The following PARD3B variants were observed in gnomAD, a reference collection of about 807,000 sequenced individuals.
PARD3B encodes the protein partitioning defective 3 homolog B.
PARD3B carries 103 observed loss-of-function variants against 130.2 expected under a neutral mutation model. The ratio of observed to expected loss-of-function variants is 0.79; its 90% CI spans 0.67 to 0.93. PARD3B has a LOEUF of 0.93. Ranked by LOEUF, PARD3B falls within the 40% of genes least tolerant of loss-of-function variation. PARD3B has a pLI of 0.00. For synonymous variants in PARD3B, 583 were observed against 553.2 expected (o/e 1.05, Z -0.76); for missense variants, 1,609 against 1,499.2 (o/e 1.07, Z -1.21).
intron 1 of PARD3B, among the ~76,000 whole-genome samples, chr2:204,595,995 G>A (rs949743832): frequency 1.3e-5 from 2 of 152,324 alleles, no homozygotes; most frequent in Non-Finnish European, 1.5e-5. Context: ...CATGTGCTCT[G>A]CTATCATGCA....
intron 2 of PARD3B, among the ~76,000 whole-genome samples, chr2:204,833,874 C>T (rs567079765): frequency 2.4e-4 from 37 of 152,228 alleles, no homozygotes; most frequent in African/African-American, 6.0e-4. Context: ...GGGCCGTTAA[C>T]GTGACCCACA....
At chr2:205,605,762 G>A (rs1038259183) in intron 22 of PARD3B, among the ~76,000 whole-genome samples, 2 of 152,220 alleles carry the variant, frequency 1.3e-5, no homozygotes, top group African/African-American at 4.8e-5. Flanking sequence ...AAGTGCTCTG[G>A]CTGCCCCTTG....
Position 205,301,856 on chromosome 2 carries a change from G to T in PARD3B, c.2630+155G>T, listed in dbSNP as rs11686273. Reference sequence around the variant, plus strand: ...TCTGTGCTCGTTCTCTTTCTGCAGAGGCAGAGGAGCTTTTTGGGGAAAGTT... The same window carrying T: ...TCTGTGCTCGTTCTCTTTCTGCAGATGCAGAGGAGCTTTTTGGGGAAAGTT... On this transcript the variant is annotated intron_variant, in intron 18 of 22. Coordinates refer to ENST00000406610, the MANE Select transcript of PARD3B (RefSeq NM_001302769.2). This position sits in a 1 kb window ranked among gnomAD's most constrained non-coding sequence, Gnocchi z 5.2. The T allele has an allele frequency of 8.2e-7, 1 of 1,225,526 alleles. No homozygotes were observed. Among genetic ancestry groups the T allele is most frequent in the Admixed American group, 1.7e-5 (1 of 58,284 alleles). The allele number at this position is 1,225,526 out of a possible 1,614,324, so 75.9% of individuals were successfully genotyped here.
intron 2 of PARD3B, among the ~76,000 whole-genome samples, chr2:204,847,438 A>C (rs2044509602): frequency 6.6e-6 from 1 of 152,206 alleles, no homozygotes; most frequent in African/African-American, 2.4e-5. Context: ...TAGTAAATAC[A>C]GTTGTCCCCC....
At chr2:204,656,725 T>C (rs76303413) in intron 1 of PARD3B, among the ~76,000 whole-genome samples, 4,171 of 152,294 alleles carry the variant, frequency 0.027, 85 homozygotes, top group Middle Eastern at 0.071. Context: ...ACCTACCTTC[T>C]ACATTCTAAA....
chr2:205,339,024 A>G (rs973991391), intron 18 of PARD3B, among the ~76,000 whole-genome samples: 4 of 152,214 alleles, frequency 2.6e-5, no homozygotes, highest in Non-Finnish European at 4.4e-5. Context: ...GGTAGCCTCT[A>G]TTAACATGTA....
Position 205,615,781 on chromosome 2 carries a change from C to A in PARD3B, c.3586C>A (p.Arg1196=), listed in dbSNP as rs888272675. The A allele has an allele frequency of 6.2e-7, 1 of 1,613,846 alleles. No individual in the cohort carries two copies. Among genetic ancestry groups the A allele is most frequent in the Non-Finnish European group, 8.5e-7 (1 of 1,179,866 alleles). ...GTACCCTTACCGAACCCAGGATTCC[C>A]GGCAGAAGAACCCCATGACTGCAGC... ...DQYPYRTQDS[R]QKNPMTAAV Residue 1196 remains arginine, a synonymous_variant, in exon 23 of 23, where the codon CGG becomes AGG. Transcript: ENST00000406610.
intron 21 of PARD3B, among the ~76,000 whole-genome samples, chr2:205,515,675 C>G (rs943818452): frequency 6.6e-6 from 1 of 151,708 alleles, no homozygotes; most frequent in African/African-American, 2.4e-5. Flanking sequence ...TAAGTAAGTT[C>G]CTTATAGATG....
intron 1 of PARD3B, among the ~76,000 whole-genome samples, chr2:204,642,202 G>A (rs1238295845): frequency 6.6e-6 from 1 of 152,146 alleles, no homozygotes; most frequent in African/African-American, 2.4e-5. Context: ...AATTATCTAT[G>A]GGTGCACTGG....
chr2:205,088,321 A>G (rs923028262), intron 4 of PARD3B, among the ~76,000 whole-genome samples: 1 of 152,218 alleles, frequency 6.6e-6, no homozygotes, highest in African/African-American at 2.4e-5. Flanking sequence ...ATAAATTAAG[A>G]TAAGACTAGA....
intron 18 of PARD3B, among the ~76,000 whole-genome samples, chr2:205,304,588 TTG>T (rs2042124320): frequency 6.8e-6 from 1 of 147,048 alleles, no homozygotes. Flanking sequence ...TGAGCCAAGA[TTG>T]CACCATTGTA....
chr2:204,656,418 C>T, intron 1 of PARD3B, among the ~76,000 whole-genome samples: 1 of 152,080 alleles, frequency 6.6e-6, no homozygotes, highest in Non-Finnish European at 1.5e-5. Flanking sequence ...CAACTTAATT[C>T]CAAAGTTATT....
At chr2:205,400,297 C>T (rs538252969) in intron 18 of PARD3B, among the ~76,000 whole-genome samples, 2 of 152,098 alleles carry the variant, frequency 1.3e-5, no homozygotes, top group African/African-American at 4.8e-5. Flanking sequence ...TACCTTCTGT[C>T]GACACATACA....
chr2:204,641,560 G>A (rs1049338784), intron 1 of PARD3B, among the ~76,000 whole-genome samples: 1 of 152,072 alleles, frequency 6.6e-6, no homozygotes, highest in Non-Finnish European at 1.5e-5. Flanking sequence ...ATAATGCCTA[G>A]AGTAGTCCTT....
chr2:204,563,259 C>CTCTCTCTCTT, intron 1 of PARD3B, among the ~76,000 whole-genome samples: 1 of 142,944 alleles, frequency 7.0e-6, no homozygotes, highest in Non-Finnish European at 1.5e-5. Context: ...CTCTCTCTCT[C>CTCTCTCTCTT]TCTCTCTTTC....
intron 14 of PARD3B, among the ~76,000 whole-genome samples, chr2:205,189,353 C>T (rs2125795845): frequency 6.6e-6 from 1 of 152,316 alleles, no homozygotes; most frequent in South Asian, 2.1e-4. Context: ...TTTTACATTC[C>T]TGGTTTGTCA....
At position 205,258,262 on chromosome 2, in the gene PARD3B, C is replaced by T. The variant is rs1002736032; in HGVS notation, c.2185+12440C>T. ...CAAAGCCTCACTTTCCACCCTTTCC[C>T]GAGCCACCGTCACCTGGAGAGCTTC... is the stretch of plus-strand genomic sequence containing the variant. On this transcript the variant is annotated intron_variant, in intron 16 of 22. Transcript: ENST00000406610. The surrounding 1 kb of genome is among the most constrained non-coding windows in gnomAD (Gnocchi z 4.9). 4.6e-5 allele frequency among the ~76,000 whole-genome samples: 7 copies of T among 152,088 alleles called. No homozygotes were observed. Among genetic ancestry groups the T allele is most frequent in the African/African-American group, 1.4e-4 (6 of 41,412 alleles).
intron 1 of PARD3B, among the ~76,000 whole-genome samples, chr2:204,556,433 G>A (rs1290326826): frequency 6.6e-6 from 1 of 152,186 alleles, no homozygotes; most frequent in Non-Finnish European, 1.5e-5. Context: ...ACGTGAATAA[G>A]CCAGTTTTGC....
intron 10 of PARD3B, among the ~76,000 whole-genome samples, chr2:205,144,628 A>G (rs2033214397): frequency 6.6e-6 from 1 of 152,208 alleles, no homozygotes; most frequent in Admixed American, 6.5e-5. Context: ...ATTAAGATAA[A>G]AGGCAAATTA....
Sources: allele counts gnomAD v4.1 joint callset (sites outside exome capture counted in the v4.1 genomes callset), GRCh38; gene constraint gnomAD v4.1.1; non-coding constraint Gnocchi (gnomAD v3.1); transcripts MANE v1.5; gene names NCBI Gene and HGNC (gene_info 2026-07-23, HGNC 2026-07-21).